The following PTPN14 variants were observed in gnomAD, a reference collection of about 807,000 sequenced individuals.
PTPN14 encodes the protein tyrosine-protein phosphatase non-receptor type 14.
A neutral mutation model predicts 126.8 loss-of-function variants in PTPN14; 53 were observed. The observed-to-expected ratio is 0.42, with a 90% CI of 0.34 to 0.53. The LOEUF is 0.53. Among genes scored for constraint, PTPN14 ranks in the 20% least tolerant of loss-of-function variants. The probability of loss-of-function intolerance (pLI) is 0.08; values close to 1 mark genes in which losing one functional copy is unlikely to be tolerated. For missense variants in PTPN14, 1,257 were observed against 1,552.9 expected, an observed-to-expected ratio of 0.81 and a Z score of 3.20; for synonymous variants, 630 against 599.3, an observed-to-expected ratio of 1.05 and a Z score of -0.75.
intron 14 of PTPN14, among the ~76,000 whole-genome samples, chr1:214,377,406 A>G (rs1658368384): frequency 6.6e-6 from 1 of 152,206 alleles, no homozygotes; most frequent in Non-Finnish European, 1.5e-5. Context: ...AGAGGAGCAG[A>G]GAGGATAACC....
At chr1:214,533,217 A>C (rs2102472437) in intron 1 of PTPN14, 1 of 676,578 alleles carries the variant, frequency 1.5e-6, no homozygotes, top group East Asian at 3.1e-5. Flanking sequence ...ACCTGGCGTC[A>C]GGGCTGGCCC....
intron 1 of PTPN14, among the ~76,000 whole-genome samples, chr1:214,550,438 G>C (rs574921698): frequency 6.6e-6 from 1 of 152,286 alleles, no homozygotes; most frequent in East Asian, 1.9e-4. Flanking sequence ...GGAAGTGAGA[G>C]GGAAAGGGAG....
At chr1:214,417,047 C>G (rs1295899317) in intron 3 of PTPN14, among the ~76,000 whole-genome samples, 1 of 151,816 alleles carries the variant, frequency 6.6e-6, no homozygotes, top group Non-Finnish European at 1.5e-5. Flanking sequence ...ATTTTCATGC[C>G]AGGAAAGTAA....
At chr1:214,394,334 C>T (rs775308958) in intron 9 of PTPN14, among the ~76,000 whole-genome samples, 3 of 152,224 alleles carry the variant, frequency 2.0e-5, no homozygotes, top group African/African-American at 4.8e-5. Context: ...TGTGATCCAT[C>T]ACACATAAGG....
intron 1 of PTPN14, among the ~76,000 whole-genome samples, chr1:214,475,238 A>G (rs145527431): frequency 2.2e-4 from 33 of 152,364 alleles, no homozygotes; most frequent in African/African-American, 6.7e-4. Context: ...AAAGGGTCAG[A>G]ATTTTCCCTC....
intron 13 of PTPN14, among the ~76,000 whole-genome samples, chr1:214,380,102 T>C (rs1658438417): frequency 6.6e-6 from 1 of 152,250 alleles, no homozygotes; most frequent in African/African-American, 2.4e-5. Context: ...TAGGTCTTTG[T>C]TTGCTTGCTG....
intron 3 of PTPN14, among the ~76,000 whole-genome samples, chr1:214,437,468 A>G (rs1292685694): frequency 6.6e-6 from 1 of 152,208 alleles, no homozygotes; most frequent in Non-Finnish European, 1.5e-5. Flanking sequence ...CTAAATTCTT[A>G]TGCAATAAAT....
At chr1:214,401,820 T>C in intron 6 of PTPN14, 48 bp from the exon 7 acceptor site, 2 of 1,448,704 alleles carry the variant, frequency 1.4e-6, no homozygotes, top group Non-Finnish European at 1.9e-6. Flanking sequence ...GGGCAGCCAG[T>C]GGAAGATCCC....
chr1:214,479,854 AC>A (rs1470674594), intron 1 of PTPN14, among the ~76,000 whole-genome samples: 4 of 152,140 alleles, frequency 2.6e-5, no homozygotes, highest in Non-Finnish European at 2.9e-5. Flanking sequence ...CCACGTCACC[AC>A]CCACAGAGGA....
intron 1 of PTPN14, among the ~76,000 whole-genome samples, chr1:214,542,678 G>C (rs1275606160): frequency 6.6e-6 from 1 of 152,194 alleles, no homozygotes; most frequent in African/African-American, 2.4e-5. Context: ...GGATGGTTTT[G>C]ATAGGCAATG....
intron 1 of PTPN14, among the ~76,000 whole-genome samples, chr1:214,488,261 G>C (rs182727353): frequency 5.6e-4 from 85 of 152,308 alleles, no homozygotes; most frequent in Middle Eastern, 6.8e-3. Context: ...AGTAATTTGA[G>C]CCACATTTTT....
At chr1:214,522,093 C>T (rs1655275433) in intron 1 of PTPN14, among the ~76,000 whole-genome samples, 1 of 151,730 alleles carries the variant, frequency 6.6e-6, no homozygotes, top group African/African-American at 2.4e-5. Flanking sequence ...TGCACCGTCA[C>T]ACCCGGCTAG....
intron 17 of PTPN14, 105 bp downstream of exon 17, chr1:214,369,352 C>T: frequency 9.3e-7 from 1 of 1,079,876 alleles, no homozygotes. Flanking sequence ...ACTTTTGCCA[C>T]TTAAGAGAAA....
chr1:214,373,857 T>C (rs182055965), intron 15 of PTPN14, among the ~76,000 whole-genome samples: 2 of 152,302 alleles, frequency 1.3e-5, no homozygotes, highest in Admixed American at 1.3e-4. Flanking sequence ...CAACAGCATA[T>C]ATTTTATCAA....
intron 18 of PTPN14, among the ~76,000 whole-genome samples, chr1:214,362,708 G>A (rs1023406982): frequency 6.6e-6 from 1 of 152,212 alleles, no homozygotes; most frequent in Non-Finnish European, 1.5e-5. Context: ...GGAGCACAGG[G>A]AATGGGGAAA....
chr1:214,471,482 T>C (rs1349709252), intron 1 of PTPN14, among the ~76,000 whole-genome samples: 2 of 152,300 alleles, frequency 1.3e-5, no homozygotes, highest in South Asian at 4.1e-4. Context: ...TAGTGAGCAC[T>C]CAGAAAGTGT....
At chr1:214,543,797 T>G (rs1655901336) in intron 1 of PTPN14, among the ~76,000 whole-genome samples, 1 of 152,154 alleles carries the variant, frequency 6.6e-6, no homozygotes, top group African/African-American at 2.4e-5. Flanking sequence ...TTTTGTACTT[T>G]TAGTAGAGAC....
intron 1 of PTPN14, among the ~76,000 whole-genome samples, chr1:214,509,665 G>A (rs1654923856): frequency 6.6e-6 from 1 of 152,160 alleles, no homozygotes; most frequent in Admixed American, 6.5e-5. Flanking sequence ...TATAAATCAT[G>A]CTACTATAAA....
In PTPN14 at chr1:214,518,315, G is replaced by A. The variant is rs191394843; in HGVS notation, c.-155+32868C>T. The stretch of plus-strand genomic sequence containing the variant: ...TCTCTATTCGCCACTACTAATAAAA[G>A]AAACTCCCTAACCAGATTCAGAAAC... On this transcript the variant is annotated intron_variant, in intron 1 of 18. Transcript: ENST00000366956. Among the ~76,000 whole-genome samples the A allele has an allele frequency of 1.9e-3, 289 of 152,204 alleles. 1 individual carries two copies. The highest frequency in any genetic ancestry group is 6.8e-3 in the Middle Eastern group (2 of 294).
Sources: allele counts gnomAD v4.1 joint callset (sites outside exome capture counted in the v4.1 genomes callset), GRCh38; gene constraint gnomAD v4.1.1; transcripts MANE v1.5; gene names NCBI Gene and HGNC (gene_info 2026-07-23, HGNC 2026-07-21).